Variants in DUSP19 observed in about 807,000 individuals in gnomAD.
The protein encoded by DUSP19 is dual specificity phosphatase 19.
A neutral mutation model predicts 16.6 loss-of-function variants in DUSP19; 14 were observed. The observed-to-expected ratio is 0.84, with a 90% CI of 0.56 to 1.32. DUSP19 has a LOEUF of 1.32. Ranked by LOEUF, DUSP19 falls within the 40% of genes most tolerant of loss-of-function variation. The probability of loss-of-function intolerance (pLI) is 0.00; values close to 1 mark genes in which losing one functional copy is unlikely to be tolerated. For missense variants in DUSP19, 258 were observed against 255.9 expected, an observed-to-expected ratio of 1.01 and a Z score of -0.06; for synonymous variants, 81 against 90.5, an observed-to-expected ratio of 0.90 and a Z score of 0.59.
intron 3 of DUSP19, among the ~76,000 whole-genome samples, chr2:183,089,135 A>T (rs1197591397): frequency 6.6e-6 from 1 of 152,178 alleles, no homozygotes; most frequent in African/African-American, 2.4e-5. Context: ...TTTAGAGCTT[A>T]TGCTTAATTT....
chr2:183,080,525 T>C (rs971465301), intron 1 of DUSP19, among the ~76,000 whole-genome samples: 3 of 152,150 alleles, frequency 2.0e-5, no homozygotes, highest in Admixed American at 2.0e-4. Context: ...GCTCACCATA[T>C]CTAGGAAAGA....
At chr2:183,090,689 C>G (rs1405737969) in intron 3 of DUSP19, among the ~76,000 whole-genome samples, 1 of 152,128 alleles carries the variant, frequency 6.6e-6, no homozygotes, top group Admixed American at 6.6e-5. Context: ...AGTTTATATT[C>G]TTTTATAGCC....
chr2:183,085,847 G>GTTTTTTTTT lies in DUSP19; in HGVS notation c.274-1165_274-1157dup, dbSNP rs71008261. 2.0e-4 allele frequency among the ~76,000 whole-genome samples: 10 copies of GTTTTTTTTT among 50,922 alleles called. 2 individuals carry two copies. The highest frequency in any genetic ancestry group is 3.7e-4 in the Admixed American group (1 of 2,734). 33.4% of individuals were successfully genotyped at this position (50,922 alleles called of 152,430 possible). A position where few individuals can be genotyped will look rare whatever the true frequency, so the allele number is the denominator to read the frequency against. On this transcript the variant is annotated intron_variant, in intron 2 of 3. Transcript: ENST00000354221. ...GTACAGATGTGGACAAGGTTGTTAG[G>GTTTTTTTTT]TTTTTTTTTTTTTTTTTTTTTTTTT... is the stretch of plus-strand genomic sequence containing the variant.
rs1311648722 is a variant in DUSP19, at chr2:183,095,990, C to G, written c.*332C>G. The G allele has an allele frequency of 6.1e-6, 1 of 162,852 alleles. No homozygotes were observed. Among genetic ancestry groups the G allele is most frequent in the African/African-American group, 2.4e-5 (1 of 41,820 alleles). The allele number at this position is 162,852 out of a possible 1,614,324, so 10.1% of individuals were successfully genotyped here. A position where few individuals can be genotyped will look rare whatever the true frequency, so the allele number is the denominator to read the frequency against. ...GCATGGAGAGAATCATTTAATGAAGCCTATTTTTCTGTTCCAGCAACTGTT... is the reference window on the plus strand; with the variant it reads ...GCATGGAGAGAATCATTTAATGAAGGCTATTTTTCTGTTCCAGCAACTGTT... On this transcript the variant is annotated 3_prime_UTR_variant, in exon 4 of 4. Coordinates refer to ENST00000354221, the MANE Select transcript of DUSP19 (RefSeq NM_080876.4).
At chr2:183,091,679 C>T (rs577820686) in intron 3 of DUSP19, among the ~76,000 whole-genome samples, 7 of 152,296 alleles carry the variant, frequency 4.6e-5, no homozygotes, top group African/African-American at 9.6e-5. Context: ...TCTATGCAAA[C>T]GAAGACTTGG....
At position 183,096,840 on chromosome 2, in the gene DUSP19, A is replaced by G. The variant is rs1231774163; in HGVS notation, c.*1182A>G. The stretch of plus-strand genomic sequence containing the variant: ...TGGTTTTGTAAGAAACTTTAAATAT[A>G]CTTTTAGGAGACCCACAATCATTTA... On this transcript the variant is annotated 3_prime_UTR_variant, in exon 4 of 4. Transcript: ENST00000354221. 1 of 152,224 alleles carries G rather than the reference A, an allele frequency of 6.6e-6. No homozygotes were observed. The highest frequency in any genetic ancestry group is 1.5e-5 in the Non-Finnish European group (1 of 67,960). 9.4% of individuals were successfully genotyped at this position (152,224 alleles called of 1,614,324 possible). A position where few individuals can be genotyped will look rare whatever the true frequency, so the allele number is the denominator to read the frequency against.
At chr2:183,084,304 G>A (rs942723187) in intron 2 of DUSP19, among the ~76,000 whole-genome samples, 1 of 152,072 alleles carries the variant, frequency 6.6e-6, no homozygotes, top group African/African-American at 2.4e-5. Flanking sequence ...TAGACAGCCT[G>A]TAATCCCAAG....
chr2:183,098,466 T>C lies in DUSP19; in HGVS notation c.*2808T>C, dbSNP rs1290488251. ...GGATAAATCACTCTGTCATTCCTAGTTATTTTAAAAAAAGAACTTTATGAT... is the reference window on the plus strand; with the variant it reads ...GGATAAATCACTCTGTCATTCCTAGCTATTTTAAAAAAAGAACTTTATGAT... On this transcript the variant is annotated 3_prime_UTR_variant, in exon 4 of 4. Transcript: ENST00000354221. The C allele has an allele frequency of 6.6e-6, 1 of 152,232 alleles. No homozygotes were observed. Among genetic ancestry groups the C allele is most frequent in the Admixed American group, 6.5e-5 (1 of 15,276 alleles). 9.4% of individuals were successfully genotyped at this position (152,232 alleles called of 1,614,324 possible).
At chr2:183,085,137 G>A (rs1699643325) in intron 2 of DUSP19, among the ~76,000 whole-genome samples, 1 of 152,104 alleles carries the variant, frequency 6.6e-6, no homozygotes, top group Non-Finnish European at 1.5e-5. Context: ...TCAGAATAGA[G>A]GTGAATATAT....
chr2:183,081,932 A>G (rs1411321224), intron 1 of DUSP19, among the ~76,000 whole-genome samples: 1 of 152,240 alleles, frequency 6.6e-6, no homozygotes, highest in Non-Finnish European at 1.5e-5. Flanking sequence ...TCAGGAAAGT[A>G]AAATACTTGA....
Position 183,095,763 on chromosome 2 carries a change from T to G in DUSP19, c.*105T>G, listed in dbSNP as rs1445118646. On this transcript the variant is annotated 3_prime_UTR_variant, in exon 4 of 4. Coordinates refer to ENST00000354221, the MANE Select transcript of DUSP19 (RefSeq NM_080876.4). ...GACTAGCAAAACTCCCTTTTTTCTC[T>G]TGCCTTTTTTATGCATAAATGGAGG... The G allele has an allele frequency of 7.2e-6, 6 of 836,986 alleles. No individual in the cohort carries two copies. The highest frequency in any genetic ancestry group is 1.1e-5 in the Non-Finnish European group (6 of 550,944). The allele number at this position is 836,986 out of a possible 1,614,324, so 51.8% of individuals were successfully genotyped here.
In DUSP19 at chr2:183,095,890, G is replaced by A; in HGVS notation, c.*232G>A. On this transcript the variant is annotated 3_prime_UTR_variant, in exon 4 of 4. Transcript: ENST00000354221. ...ATTAAATGCTTTTTTAAATTGCTAAGGGAAAATAACAAAGTGTTAGTAATC... is the reference window on the plus strand; with the variant it reads ...ATTAAATGCTTTTTTAAATTGCTAAAGGAAAATAACAAAGTGTTAGTAATC... The A allele has an allele frequency of 3.2e-6, 1 of 311,524 alleles. No individual in the cohort carries two copies. The highest frequency in any genetic ancestry group is 5.1e-5 in the East Asian group (1 of 19,644). 19.3% of individuals were successfully genotyped at this position (311,524 alleles called of 1,614,324 possible).
Position 183,089,604 on chromosome 2 carries a change from A to T in DUSP19, c.426+2412A>T, listed in dbSNP as rs1004024482. Among the ~76,000 whole-genome samples the T allele has an allele frequency of 2.0e-4, 31 of 152,350 alleles. 1 individual carries two copies. The highest frequency in any genetic ancestry group is 7.0e-4 in the African/African-American group (29 of 41,584). On this transcript the variant is annotated intron_variant, in intron 3 of 3. Coordinates refer to ENST00000354221, the MANE Select transcript of DUSP19 (RefSeq NM_080876.4). ...AAGAAGAGCTCCTTCTTTGACAGGC[A>T]AAAGTGAAAGCAGGGGAGAGCAGTC...
At chr2:183,090,839 A>G (rs4597478) in intron 3 of DUSP19, among the ~76,000 whole-genome samples, 81,623 of 152,058 alleles carry the variant, frequency 0.54, 24,860 homozygotes, top group East Asian at 0.9. Context: ...CCTATTGCAC[A>G]TGGACCCTAT....
At chr2:183,093,347 A>C (rs1699756612) in intron 3 of DUSP19, among the ~76,000 whole-genome samples, 1 of 152,258 alleles carries the variant, frequency 6.6e-6, no homozygotes, top group Admixed American at 6.5e-5. Flanking sequence ...CAAGAATTGC[A>C]CTAAATACTA....
chr2:183,080,648 A>G (rs1255100159), intron 1 of DUSP19, among the ~76,000 whole-genome samples: 1 of 152,184 alleles, frequency 6.6e-6, no homozygotes, highest in African/African-American at 2.4e-5. Flanking sequence ...GGTCTTCATG[A>G]ACTTTGCTTA....
rs186599810 is a variant in DUSP19, at chr2:183,089,916, G to A, written c.426+2724G>A. On this transcript the variant is annotated intron_variant, in intron 3 of 3. Coordinates refer to ENST00000354221, the MANE Select transcript of DUSP19 (RefSeq NM_080876.4). ...AGCCTTCCTAGTAGCTGGGATTACA[G>A]GTGCGCACCACCATGCCTGGCTAAT... Among the ~76,000 whole-genome samples, 331 of 152,212 alleles carry A rather than the reference G, an allele frequency of 2.2e-3. 2 individuals are homozygous for A. Among genetic ancestry groups the A allele is most frequent in the Non-Finnish European group, 3.8e-3 (261 of 68,016 alleles).
intron 2 of DUSP19, among the ~76,000 whole-genome samples, chr2:183,085,860 T>TG (rs1699654180): frequency 3.4e-5 from 4 of 116,242 alleles, no homozygotes; most frequent in African/African-American, 6.6e-5. Context: ...TTTTTTTTTT[T>TG]TTTTTTTTTT....
intron 1 of DUSP19, among the ~76,000 whole-genome samples, 185 bp downstream of exon 1, chr2:183,079,344 TAAG>T (rs1699562655): frequency 6.6e-6 from 1 of 151,698 alleles, no homozygotes; most frequent in Admixed American, 6.6e-5. Context: ...AGTGTACCCA[TAAG>T]AAGCATAGAT....
Sources: allele counts gnomAD v4.1 joint callset (sites outside exome capture counted in the v4.1 genomes callset), GRCh38; gene constraint gnomAD v4.1.1; transcripts MANE v1.5; gene names NCBI Gene and HGNC (gene_info 2026-07-23, HGNC 2026-07-21).